PRDM16: variants seen among roughly 807,000 people sequenced by gnomAD.
The protein encoded by PRDM16 is PR/SET domain 16.
Under a neutral mutation model 110.6 loss-of-function variants are expected in PRDM16, and 23 were observed. The ratio of observed to expected loss-of-function variants is 0.21; its 90% CI spans 0.15 to 0.29. PRDM16 has a LOEUF of 0.29. PRDM16 is among the 10% of genes least tolerant of loss of function. PRDM16 has a pLI of 1.00. For missense variants in PRDM16, 1,615 were observed against 1,794.3 expected, an observed-to-expected ratio of 0.90 and a Z score of 1.81; for synonymous variants, 799 against 781.8, an observed-to-expected ratio of 1.02 and a Z score of -0.37.
At chr1:3,097,604 C>T (rs1257964201) in intron 1 of PRDM16, among the ~76,000 whole-genome samples, 1 of 152,242 alleles carries the variant, frequency 6.6e-6, no homozygotes, top group Non-Finnish European at 1.5e-5. Context: ...GTGACCCCTC[C>T]TGGCCCTGCC....
chr1:3,083,237 C>T (rs1241925282), intron 1 of PRDM16, among the ~76,000 whole-genome samples: 4 of 152,138 alleles, frequency 2.6e-5, no homozygotes, highest in South Asian at 4.1e-4. Flanking sequence ...ACGCAGGGGT[C>T]GGGTCTCCTG....
intron 2 of PRDM16, among the ~76,000 whole-genome samples, chr1:3,211,234 A>G (rs1411394779): frequency 6.6e-6 from 1 of 152,248 alleles, no homozygotes; most frequent in Non-Finnish European, 1.5e-5. Flanking sequence ...GCCTGCGGTC[A>G]GCAGCCACCC....
At chr1:3,421,917 A>C (rs904045083) in intron 12 of PRDM16, among the ~76,000 whole-genome samples, 4 of 149,972 alleles carry the variant, frequency 2.7e-5, no homozygotes, top group Admixed American at 6.6e-5. Context: ...AACAGACAGG[A>C]AGACAGACAG....
At chr1:3,231,236 T>A (rs1189103951) in intron 2 of PRDM16, among the ~76,000 whole-genome samples, 1 of 152,220 alleles carries the variant, frequency 6.6e-6, no homozygotes, top group Non-Finnish European at 1.5e-5. Context: ...ACTAGGTTAA[T>A]CGCCACAAGA....
chr1:3,138,958 C>T (rs1045927886), intron 1 of PRDM16, among the ~76,000 whole-genome samples: 1 of 152,150 alleles, frequency 6.6e-6, no homozygotes, highest in Non-Finnish European at 1.5e-5. Context: ...CTCTCACCTC[C>T]CCCTCGGCCA....
chr1:3,272,125 A>C (rs1302337576), intron 3 of PRDM16, among the ~76,000 whole-genome samples: 1 of 152,194 alleles, frequency 6.6e-6, no homozygotes. Flanking sequence ...GGCAGTGCTC[A>C]AACCCCAGGG....
At position 3,244,695 on chromosome 1, in the gene PRDM16, C is replaced by G. The variant is rs1000581515; in HGVS notation, c.438+558C>G. On this transcript the variant is annotated intron_variant, in intron 3 of 16. Coordinates refer to ENST00000270722, the MANE Select transcript of PRDM16 (RefSeq NM_022114.4). The surrounding 1 kb of genome is among the most constrained non-coding windows in gnomAD (Gnocchi z 4.1). The stretch of plus-strand genomic sequence containing the variant: ...TGGACAAACATTAGGTCTAACAGAT[C>G]CAGAGGGAGAACCATGTGCAGAGAA... Among the ~76,000 whole-genome samples, 1 of 152,094 alleles carries G rather than the reference C, an allele frequency of 6.6e-6. No homozygotes were observed. Among genetic ancestry groups the G allele is most frequent in the African/African-American group, 2.4e-5 (1 of 41,412 alleles).
intron 4 of PRDM16, among the ~76,000 whole-genome samples, chr1:3,385,870 G>C (rs1047271330): frequency 6.6e-6 from 1 of 152,142 alleles, no homozygotes; most frequent in African/African-American, 2.4e-5. Flanking sequence ...CTGCCACCTC[G>C]GGGCTGAGGA....
intron 3 of PRDM16, among the ~76,000 whole-genome samples, chr1:3,365,694 T>C (rs1265619950): frequency 6.6e-6 from 1 of 152,198 alleles, no homozygotes; most frequent in Non-Finnish European, 1.5e-5. Flanking sequence ...ACACAGGTCA[T>C]AAATCCCGCC....
chr1:3,224,282 T>G (rs1392831264), intron 2 of PRDM16, among the ~76,000 whole-genome samples: 1 of 152,172 alleles, frequency 6.6e-6, no homozygotes, highest in Non-Finnish European at 1.5e-5. Flanking sequence ...ATAATTGAAC[T>G]CCATTGCATG....
rs1315570627 is a variant in PRDM16, at chr1:3,411,469, G to A, written c.1272G>A (p.Lys424=). The change falls in exon 9 of 17, where the codon AAG becomes AAA. Residue 424 remains lysine, a synonymous_variant. Transcript: ENST00000270722. ...RMHADCRTQI[K]CKDCGQMFST... ...ACGCCGACTGCCGCACGCAGATCAA[G>A]TGCAAGGACTGTGGCCAGATGTTCA... 2.5e-6 allele frequency: 4 copies of A among 1,614,106 alleles called. No homozygotes were observed. Among genetic ancestry groups the A allele is most frequent in the South Asian group, 1.1e-5 (1 of 91,090 alleles).
intron 2 of PRDM16, among the ~76,000 whole-genome samples, chr1:3,235,065 G>A (rs1639507409): frequency 6.6e-6 from 1 of 152,262 alleles, no homozygotes; most frequent in South Asian, 2.1e-4. Flanking sequence ...AAGCTGCAGA[G>A]TGCAGAGGGT....
intron 1 of PRDM16, among the ~76,000 whole-genome samples, chr1:3,180,902 GCAGTCTTACACGCA>G (rs1644145391): frequency 1.5e-5 from 2 of 133,036 alleles, no homozygotes; most frequent in Non-Finnish European, 3.4e-5. Flanking sequence ...CCTCACACAC[GCAGTCTTACACGCA>G]GCCTTACACA....
chr1:3,204,602 G>A (rs953591926), intron 2 of PRDM16, among the ~76,000 whole-genome samples: 1 of 152,218 alleles, frequency 6.6e-6, no homozygotes, highest in East Asian at 1.9e-4. Flanking sequence ...CCAATAGCTC[G>A]GCTGCTCCGT....
chr1:3,328,317 G>T (rs923857753), intron 3 of PRDM16, among the ~76,000 whole-genome samples: 1 of 152,222 alleles, frequency 6.6e-6, no homozygotes, highest in Non-Finnish European at 1.5e-5. Context: ...GTGCAGTGGG[G>T]GGTGCTCACA....
rs575941445 is a variant in PRDM16, at chr1:3,164,060, G to A, written c.38-22065G>A. Among the ~76,000 whole-genome samples the A allele has an allele frequency of 2.0e-4, 31 of 152,320 alleles. No individual in the cohort carries two copies. In the Middle Eastern group the frequency reaches 0.01, roughly 50 times the overall value. ...CAGCCACCCCTTCCCTCTAAAGCAGGTTGTTCTGAATCTGGGCCACTGGCC... is the reference window on the plus strand; with the variant it reads ...CAGCCACCCCTTCCCTCTAAAGCAGATTGTTCTGAATCTGGGCCACTGGCC... On this transcript the variant is annotated intron_variant, in intron 1 of 16. Transcript: ENST00000270722.
At chr1:3,253,603 T>C (rs1280727750) in intron 3 of PRDM16, among the ~76,000 whole-genome samples, 1 of 152,008 alleles carries the variant, frequency 6.6e-6, no homozygotes, top group South Asian at 2.1e-4. Context: ...TAATCCAGTC[T>C]ATCATTGTTG....
At chr1:3,170,064 T>TTC (rs1644008202) in intron 1 of PRDM16, among the ~76,000 whole-genome samples, 2 of 152,310 alleles carry the variant, frequency 1.3e-5, no homozygotes, top group South Asian at 2.1e-4. Flanking sequence ...TGAATTTTTT[T>TTC]TTTCTTTCTT....
chr1:3,114,191 A>ACGCACACGCACGCGCGCACACGCACGCG (rs767427248), intron 1 of PRDM16, among the ~76,000 whole-genome samples: 9 of 131,714 alleles, frequency 6.8e-5, no homozygotes, highest in Admixed American at 2.4e-4. Flanking sequence ...ACACGCACAC[A>ACGCACACGCACGCGCGCACACGCACGCG]CGCACACGCA....
Sources: allele counts gnomAD v4.1 joint callset (sites outside exome capture counted in the v4.1 genomes callset), GRCh38; gene constraint gnomAD v4.1.1; non-coding constraint Gnocchi (gnomAD v3.1); transcripts MANE v1.5; gene names NCBI Gene and HGNC (gene_info 2026-07-23, HGNC 2026-07-21).